Variants in CCDC7 observed in about 807,000 individuals in gnomAD.
The protein encoded by CCDC7 is coiled-coil domain-containing protein 7.
CCDC7 carries 183 observed loss-of-function variants against 196.9 expected under a neutral mutation model. The observed-to-expected ratio is 0.93, with a 90% CI of 0.82 to 1.05. The LOEUF (loss-of-function observed/expected upper bound fraction) is 1.05, where lower values mean the gene tolerates loss of function less well. Ranked by LOEUF, CCDC7 falls within the 50% of genes least tolerant of loss-of-function variation. The probability of loss-of-function intolerance (pLI) is 0.00; values close to 1 mark genes in which losing one functional copy is unlikely to be tolerated. For missense variants in CCDC7, 1,540 were observed against 1,482.2 expected (o/e 1.04, Z -0.64); for synonymous variants, 525 against 484.6 (o/e 1.08, Z -1.10).
At chr10:32,501,101 T>C (rs1156734574) in intron 9 of CCDC7, among the ~76,000 whole-genome samples, 2 of 152,196 alleles carry the variant, frequency 1.3e-5, no homozygotes, top group African/African-American at 4.8e-5. Context: ...TTGTCTAATC[T>C]TGTCTTCTTG....
chr10:32,805,076 G>A, exon 30 of CCDC7: 1 of 1,611,168 alleles, frequency 6.2e-7, no homozygotes. Flanking sequence ...ATGAATTCAA[G>A]ACACAGTCAA....
intron 31 of CCDC7, among the ~76,000 whole-genome samples, chr10:32,819,030 G>A (rs2089530402): frequency 6.6e-6 from 1 of 152,080 alleles, no homozygotes; most frequent in South Asian, 2.1e-4. Context: ...CCAGGAGCTG[G>A]TTTTTTGAAA....
At chr10:32,538,336 C>T (rs1423201673) in intron 11 of CCDC7, among the ~76,000 whole-genome samples, 2 of 152,044 alleles carry the variant, frequency 1.3e-5, no homozygotes, top group Non-Finnish European at 2.9e-5. Flanking sequence ...ATATGGACTT[C>T]GTACCCTGAA....
chr10:32,633,209 GCACGCA>G (rs1298131023), intron 18 of CCDC7, among the ~76,000 whole-genome samples: 1 of 38,318 alleles, frequency 2.6e-5, no homozygotes. Context: ...TTGCGCGCGT[GCACGCA>G]CACACACACA....
At chr10:32,829,934 C>G (rs2091918362) in intron 32 of CCDC7, among the ~76,000 whole-genome samples, 1 of 151,032 alleles carries the variant, frequency 6.6e-6, no homozygotes, top group South Asian at 2.1e-4. Context: ...GCCTCCCAGC[C>G]TACATCTTTA....
chr10:32,665,598 C>T (rs375765001), intron 21 of CCDC7, among the ~76,000 whole-genome samples: 24 of 152,126 alleles, frequency 1.6e-4, no homozygotes, highest in African/African-American at 5.3e-4. Flanking sequence ...GTACCAGTAC[C>T]ATGCTGTCTT....
intron 41 of CCDC7, among the ~76,000 whole-genome samples, chr10:32,872,075 A>G (rs1421227140): frequency 6.6e-6 from 1 of 152,154 alleles, no homozygotes; most frequent in African/African-American, 2.4e-5. Context: ...GAAAGATTGT[A>G]TATTCTGTTG....
intron 13 of CCDC7, among the ~76,000 whole-genome samples, chr10:32,553,018 T>C (rs1380050130): frequency 1.3e-5 from 2 of 151,906 alleles, no homozygotes; most frequent in African/African-American, 2.4e-5. Flanking sequence ...ATATTTTTTC[T>C]AAGATTTTAG....
chr10:32,610,278 G>A (rs960375114), intron 18 of CCDC7, among the ~76,000 whole-genome samples: 1 of 151,960 alleles, frequency 6.6e-6, no homozygotes, highest in African/African-American at 2.4e-5. Context: ...CTAATTTTTT[G>A]TATTTTTAGT....
intron 24 of CCDC7, among the ~76,000 whole-genome samples, chr10:32,707,692 G>A (rs1352942806): frequency 6.6e-6 from 1 of 152,118 alleles, no homozygotes; most frequent in Non-Finnish European, 1.5e-5. Context: ...CAAACAGAGA[G>A]CCAAATCATG....
chr10:32,490,028 C>T (rs769761498), intron 8 of CCDC7, among the ~76,000 whole-genome samples: 23 of 152,142 alleles, frequency 1.5e-4, no homozygotes, highest in Non-Finnish European at 2.8e-4. Context: ...TGTCAGTGTT[C>T]TCTGTAGAGC....
At chr10:32,517,410 G>A (rs2047189924) in intron 9 of CCDC7, among the ~76,000 whole-genome samples, 1 of 152,014 alleles carries the variant, frequency 6.6e-6, no homozygotes, top group Non-Finnish European at 1.5e-5. Flanking sequence ...ATGCAGTATT[G>A]TGTAAATGCC....
chr10:32,649,308 TTAAAA>T (rs1450144286), intron 20 of CCDC7, among the ~76,000 whole-genome samples: 4 of 152,140 alleles, frequency 2.6e-5, no homozygotes, highest in Non-Finnish European at 5.9e-5. Context: ...ATCCCTGAAC[TTAAAA>T]TAAAAGATGA....
At chr10:32,471,008 A>G (rs1163137073) in intron 5 of CCDC7, 56 bp from the exon 7 acceptor site, 14 of 1,434,534 alleles carry the variant, frequency 9.8e-6, no homozygotes, top group Non-Finnish European at 1.3e-5. Flanking sequence ...AATTTATTTG[A>G]GGTATGGGAA....
intron 33 of CCDC7, among the ~76,000 whole-genome samples, chr10:32,835,965 A>T (rs2092570089): frequency 6.6e-6 from 1 of 152,168 alleles, no homozygotes; most frequent in Non-Finnish European, 1.5e-5. Flanking sequence ...GGAGTATAAC[A>T]GTCATTTTAT....
chr10:32,770,531 A>G (rs891089745), intron 28 of CCDC7, among the ~76,000 whole-genome samples: 1 of 152,150 alleles, frequency 6.6e-6, no homozygotes, highest in Non-Finnish European at 1.5e-5. Flanking sequence ...TTTGTGGCCT[A>G]TTATATGGTC....
At chr10:32,475,571 AT>A (rs2038818774) in intron 8 of CCDC7, among the ~76,000 whole-genome samples, 1 of 152,242 alleles carries the variant, frequency 6.6e-6, no homozygotes, top group African/African-American at 2.4e-5. Flanking sequence ...AGAGGACAGA[AT>A]TATATTGTAC....
upstream of CCDC7, among the ~76,000 whole-genome samples, chr10:32,448,670 TA>T (rs927327842): frequency 1.5e-3 from 225 of 151,934 alleles, 2 homozygotes; most frequent in Admixed American, 3.7e-3. Flanking sequence ...TTCTGGCAAA[TA>T]AAAAAAATCC....
chr10:32,562,719 A>C (rs1489438714), intron 13 of CCDC7, among the ~76,000 whole-genome samples: 1 of 149,892 alleles, frequency 6.7e-6, no homozygotes, highest in Non-Finnish European at 1.5e-5. Flanking sequence ...AACTGGAAGC[A>C]TTCCCTTTGA....
Sources: gnomAD v4.1 joint callset for allele counts (sites outside exome capture counted in the v4.1 genomes callset) on GRCh38, gnomAD v4.1.1 for gene constraint, MANE v1.5 for transcripts, NCBI Gene and HGNC (gene_info 2026-07-23, HGNC 2026-07-21) for gene names.